The following NSMCE3 variants were observed in gnomAD, a reference collection of about 807,000 sequenced individuals.
The protein encoded by NSMCE3 is non-structural maintenance of chromosomes element 3 homolog.
For synonymous variants in NSMCE3, 214 were observed against 172.2 expected, an observed-to-expected ratio of 1.24 and a Z score of -1.90; for missense variants, 452 against 399.5, an observed-to-expected ratio of 1.13 and a Z score of -1.12.
chr15:29,265,821 A>G lies in NSMCE3; in HGVS notation c.*2970T>C, dbSNP rs1376447806. 6.6e-6 allele frequency: 1 copy of G among 152,248 alleles called. No individual in the cohort carries two copies. Among genetic ancestry groups the G allele is most frequent in the Non-Finnish European group, 1.5e-5 (1 of 68,040 alleles). 9.4% of individuals were successfully genotyped at this position (152,248 alleles called of 1,614,324 possible). On this transcript the variant is annotated 3_prime_UTR_variant, in exon 1 of 1. Coordinates refer to ENST00000332303, the MANE Select transcript of NSMCE3 (RefSeq NM_138704.4). The stretch of plus-strand genomic sequence containing the variant: ...TAGGCTATCCATATAGGAAAAATAC[A>G]AAAACTATTTCCATACCTCACATCA...
Position 29,269,214 on chromosome 15 carries a change from ATCC to A in NSMCE3, c.489_491del (p.Glu163del), listed in dbSNP as rs752327690. On this transcript the variant is annotated inframe_deletion, in exon 1 of 1. Coordinates refer to ENST00000332303, the MANE Select transcript of NSMCE3 (RefSeq NM_138704.4). ...TGCCTTGGTCACCCCTCATCTCGGCATCCTCCTCCACAGGCTCCAGGGTGTTGA... is the reference window on the plus strand; with the variant it reads ...TGCCTTGGTCACCCCTCATCTCGGCATCCTCCACAGGCTCCAGGGTGTTGA... 1.5e-5 allele frequency: 24 copies of A among 1,613,998 alleles called. No individual in the cohort carries two copies. The highest frequency in any genetic ancestry group is 1.8e-5 in the Non-Finnish European group (21 of 1,180,030).
rs1370063935 is a variant in NSMCE3, at chr15:29,269,528, AC to A, written c.177del (p.Ser60ArgfsTer28). 6.5e-7 allele frequency: 1 copy of A among 1,544,966 alleles called. No homozygotes were observed. Among genetic ancestry groups the A allele is most frequent in the Non-Finnish European group, 8.7e-7 (1 of 1,149,558 alleles). On this transcript the variant is annotated frameshift_variant, in exon 1 of 1. Coordinates refer to ENST00000332303, the MANE Select transcript of NSMCE3 (RefSeq NM_138704.4). LOFTEE classifies it low-confidence loss of function (END_TRUNC). Reference sequence around the variant, plus strand: ...GCGCCCTGAGGCGAGGGGCCCTGCGACCCCTGCGAGCCGCCCGGCCCGCGGG... The same window carrying A: ...GCGCCCTGAGGCGAGGGGCCCTGCGACCCTGCGAGCCGCCCGGCCCGCGGG... ...STSRGPGGSQ[G>X]SQGPSPQGAR...
In NSMCE3 at chr15:29,269,289, C is replaced by G. The variant is rs2153042302; in HGVS notation, c.417G>C (p.Gly139=). The change falls in exon 1 of 1, where the codon GGG becomes GGC. Residue 139 remains glycine, a synonymous_variant. Coordinates refer to ENST00000332303, the MANE Select transcript of NSMCE3 (RefSeq NM_138704.4). ...RAAERLQYVF[G]YKLVELEPKS... ...TGGGTTCAAGTTCCACCAGCTTATA[C>G]CCGAAGACGTACTGGAGGCGCTCGG... The G allele has an allele frequency of 6.2e-7, 1 of 1,614,216 alleles. No individual in the cohort carries two copies. Among genetic ancestry groups the G allele is most frequent in the Non-Finnish European group, 8.5e-7 (1 of 1,180,046 alleles).
Position 29,269,622 on chromosome 15 carries a change from C to A in NSMCE3, c.84G>T (p.Gly28=). Residue 28 remains glycine, a synonymous_variant, in exon 1 of 1, where the codon GGG becomes GGT. Coordinates refer to ENST00000332303, the MANE Select transcript of NSMCE3 (RefSeq NM_138704.4). ...GGGCGTCTTCCCCGGCCCGCGAAGCCCCGGGGTTTCCGCTATGGCTCCAGT... is the reference window on the plus strand; with the variant it reads ...GGGCGTCTTCCCCGGCCCGCGAAGCACCGGGGTTTCCGCTATGGCTCCAGT... ...DRDWSHSGNP[G]ASRAGEDARV... is the part of the protein sequence containing the mutation. The A allele has an allele frequency of 1.3e-6, 2 of 1,568,778 alleles. No homozygotes were observed. Among genetic ancestry groups the A allele is most frequent in the Non-Finnish European group, 8.6e-7 (1 of 1,161,610 alleles).
rs2043555707 is a variant in NSMCE3, at chr15:29,269,362, A to G, written c.344T>C (p.Val115Ala). 6.2e-7 allele frequency: 1 copy of G among 1,614,016 alleles called. No individual in the cohort carries two copies. Among genetic ancestry groups the G allele is most frequent in the South Asian group, 1.1e-5 (1 of 91,078 alleles). Reference sequence around the variant, plus strand: ...GAAGATGTCCTTGTAGTCCCCGATGACGTGCTTCAGTATGTCGGCCCGCTT... The same window carrying G: ...GAAGATGTCCTTGTAGTCCCCGATGGCGTGCTTCAGTATGTCGGCCCGCTT... ...PIKRADILKH[V>A]IGDYKDIFPD... The change falls in exon 1 of 1, where the codon GTC becomes GCC. Residue 115 changes from valine to alanine, a missense_variant. By Grantham distance (64) the Val-to-Ala change is moderately conservative (BLOSUM62 0). Coordinates refer to ENST00000332303, the MANE Select transcript of NSMCE3 (RefSeq NM_138704.4).
chr15:29,268,994 T>A lies in NSMCE3; in HGVS notation c.712A>T (p.Ile238Leu). Residue 238 changes from isoleucine (I) to leucine (L), a missense_variant, in exon 1 of 1, where the codon ATA becomes TTA. Ile to Leu is a conservative substitution (Grantham distance 5). Coordinates refer to ENST00000332303, the MANE Select transcript of NSMCE3 (RefSeq NM_138704.4). Reference protein sequence around the residue: ...VRQRYLEYRRIPHTDPVDYEF... With the variant: ...VRQRYLEYRRLPHTDPVDYEF... ...TAGTCGACGGGGTCGGTGTGGGGTATCCGCCGGTATTCCAGGTAACGCTGT... is the reference window on the plus strand; with the variant it reads ...TAGTCGACGGGGTCGGTGTGGGGTAACCGCCGGTATTCCAGGTAACGCTGT... 1.2e-6 allele frequency: 2 copies of A among 1,614,184 alleles called. No individual in the cohort carries two copies. The highest frequency in any genetic ancestry group is 2.2e-5 in the South Asian group (2 of 91,070).
Position 29,265,210 on chromosome 15 carries a change from G to A in NSMCE3, c.*3581C>T, listed in dbSNP as rs982522501. ...TTAAAATTATTTCCTTTAAAATCAA[G>A]AATAAGGAATCAGAAACATCCTTAG... On this transcript the variant is annotated 3_prime_UTR_variant, in exon 1 of 1. Coordinates refer to ENST00000332303, the MANE Select transcript of NSMCE3 (RefSeq NM_138704.4). 1 of 151,998 alleles carries A rather than the reference G, an allele frequency of 6.6e-6. No homozygotes were observed. The highest frequency in any genetic ancestry group is 1.5e-5 in the Non-Finnish European group (1 of 67,992). The allele number at this position is 151,998 out of a possible 1,614,324, so 9.4% of individuals were successfully genotyped here.
Position 29,268,146 on chromosome 15 carries a change from T to C in NSMCE3, c.*645A>G, listed in dbSNP as rs968574896. ...GACCCACGATTTAAAAAACACACAA[T>C]GCTTAAGTGCTTCAAAAATACAGTA... On this transcript the variant is annotated 3_prime_UTR_variant, in exon 1 of 1. Coordinates refer to ENST00000332303, the MANE Select transcript of NSMCE3 (RefSeq NM_138704.4). 2 of 152,150 alleles carry C rather than the reference T, an allele frequency of 1.3e-5. No homozygotes were observed. The highest frequency in any genetic ancestry group is 2.9e-5 in the Non-Finnish European group (2 of 68,040). 9.4% of individuals were successfully genotyped at this position (152,150 alleles called of 1,614,324 possible).
In NSMCE3 at chr15:29,268,290, CAT is replaced by C. The variant is rs1253509487; in HGVS notation, c.*499_*500del. On this transcript the variant is annotated 3_prime_UTR_variant, in exon 1 of 1. Coordinates refer to ENST00000332303, the MANE Select transcript of NSMCE3 (RefSeq NM_138704.4). The stretch of plus-strand genomic sequence containing the variant: ...CTATTGGGAGAAAATACATTACACT[CAT>C]TGCTTGGAACCATGAATAATACTTA... The C allele has an allele frequency of 6.5e-6, 1 of 152,692 alleles. No individual in the cohort carries two copies. Among genetic ancestry groups the C allele is most frequent in the African/African-American group, 2.4e-5 (1 of 41,432 alleles). 9.5% of individuals were successfully genotyped at this position (152,692 alleles called of 1,614,324 possible).
rs1567116576 is a variant in NSMCE3, at chr15:29,268,883, G to C, written c.823C>G (p.Pro275Ala). ...KFVAKVHNQD[P>A]KDWPAQYCEA... ...CAGTACTGCGCTGGCCAGTCCTTGG[G>C]GTCTTGATTATGGACCTTGGCCACA... The change falls in exon 1 of 1, where the codon CCC (proline) becomes GCC (alanine). Residue 275 changes from proline to alanine, a missense_variant. Pro to Ala is a conservative substitution (Grantham distance 27). Coordinates refer to ENST00000332303, the MANE Select transcript of NSMCE3 (RefSeq NM_138704.4). The C allele has an allele frequency of 6.2e-7, 1 of 1,614,046 alleles. No individual in the cohort carries two copies. The highest frequency in any genetic ancestry group is 8.5e-7 in the Non-Finnish European group (1 of 1,180,018).
rs1260394599 is a variant in NSMCE3 at position 29,265,928 on chromosome 15, C to T, written c.*2863G>A. 6.6e-6 allele frequency: 1 copy of T among 152,242 alleles called. No individual in the cohort carries two copies. The highest frequency in any genetic ancestry group is 1.9e-4 in the East Asian group (1 of 5,192). The allele number at this position is 152,242 out of a possible 1,614,324, so 9.4% of individuals were successfully genotyped here. ...GGAAAAAAGGCAGAAAACATATTTA[C>T]AATTTTAGGATTAGGGGAATTTTTT... On this transcript the variant is annotated 3_prime_UTR_variant, in exon 1 of 1. Coordinates refer to ENST00000332303, the MANE Select transcript of NSMCE3 (RefSeq NM_138704.4).
In NSMCE3 at chr15:29,268,146, T is replaced by G. The variant is rs968574896; in HGVS notation, c.*645A>C. ...GACCCACGATTTAAAAAACACACAA[T>G]GCTTAAGTGCTTCAAAAATACAGTA... is the stretch of plus-strand genomic sequence containing the variant. On this transcript the variant is annotated 3_prime_UTR_variant, in exon 1 of 1. Coordinates refer to ENST00000332303, the MANE Select transcript of NSMCE3 (RefSeq NM_138704.4). The G allele has an allele frequency of 6.6e-6, 1 of 152,150 alleles. No homozygotes were observed. Among genetic ancestry groups the G allele is most frequent in the Non-Finnish European group, 1.5e-5 (1 of 68,040 alleles). The allele number at this position is 152,150 out of a possible 1,614,324, so 9.4% of individuals were successfully genotyped here. A position where few individuals can be genotyped will look rare whatever the true frequency, so the allele number is the denominator to read the frequency against.
At position 29,269,549 on chromosome 15, in the gene NSMCE3, C is replaced by G; in HGVS notation, c.157G>C (p.Gly53Arg). The change falls in exon 1 of 1, where the codon GGG becomes CGG. Residue 53 changes from glycine to arginine, a missense_variant. Coordinates refer to ENST00000332303, the MANE Select transcript of NSMCE3 (RefSeq NM_138704.4). Reference sequence around the variant, plus strand: ...TGCGACCCCTGCGAGCCGCCCGGCCCGCGGGACGTGCTCGGGGCCTCCTCG... The same window carrying G: ...TGCGACCCCTGCGAGCCGCCCGGCCGGCGGGACGTGCTCGGGGCCTCCTCG... Reference protein sequence around the residue: ...FAEEAPSTSRGPGGSQGSQGP... With the variant: ...FAEEAPSTSRRPGGSQGSQGP... 2 of 1,512,842 alleles carry G rather than the reference C, an allele frequency of 1.3e-6. No homozygotes were observed. The highest frequency in any genetic ancestry group is 2.5e-5 in the South Asian group (2 of 80,114). The allele number at this position is 1,512,842 out of a possible 1,614,324, so 93.7% of individuals were successfully genotyped here.
chr15:29,269,003 A>G lies in NSMCE3; in HGVS notation c.703T>C (p.Tyr235His). The G allele has an allele frequency of 6.2e-7, 1 of 1,614,140 alleles. No homozygotes were observed. Among genetic ancestry groups the G allele is most frequent in the Non-Finnish European group, 8.5e-7 (1 of 1,180,032 alleles). Residue 235 changes from tyrosine (Y) to histidine (H), a missense_variant, in exon 1 of 1, where the codon TAC becomes CAC. By Grantham distance (83) the Tyr-to-His change is moderately conservative. Transcript: ENST00000332303. ...GGGTCGGTGTGGGGTATCCGCCGGT[A>G]TTCCAGGTAACGCTGTCGCACAAAG... ...EDFVRQRYLE[Y>H]RRIPHTDPVD...
Position 29,269,418 on chromosome 15 carries a change from C to T in NSMCE3, c.288G>A (p.Leu96=), listed in dbSNP as rs746234305. ...GAATCTTCTTCTGGTCTTTAATCAGCAAGAACTGCACCAGCTCGGACACTT... is the reference window on the plus strand; with the variant it reads ...GAATCTTCTTCTGGTCTTTAATCAGTAAGAACTGCACCAGCTCGGACACTT... ...ELKVSELVQF[L]LIKDQKKIPI... is the part of the protein sequence containing the mutation. The change falls in exon 1 of 1, where the codon TTG becomes TTA. Residue 96 remains leucine, a synonymous_variant. Coordinates refer to ENST00000332303, the MANE Select transcript of NSMCE3 (RefSeq NM_138704.4). The T allele has an allele frequency of 1.2e-6, 2 of 1,614,158 alleles. No homozygotes were observed. Among genetic ancestry groups the T allele is most frequent in the Admixed American group, 3.3e-5 (2 of 60,032 alleles).
chr15:29,269,625 G>A lies in NSMCE3; in HGVS notation c.81C>T (p.Pro27=), dbSNP rs2043567846. ...RDRDWSHSGN[P]GASRAGEDAR... is the part of the protein sequence containing the mutation. Reference sequence around the variant, plus strand: ...CGTCTTCCCCGGCCCGCGAAGCCCCGGGGTTTCCGCTATGGCTCCAGTCTC... The same window carrying A: ...CGTCTTCCCCGGCCCGCGAAGCCCCAGGGTTTCCGCTATGGCTCCAGTCTC... Residue 27 remains proline, a synonymous_variant, in exon 1 of 1, where the codon CCC becomes CCT. Coordinates refer to ENST00000332303, the MANE Select transcript of NSMCE3 (RefSeq NM_138704.4). 1.9e-6 allele frequency: 3 copies of A among 1,569,446 alleles called. No homozygotes were observed. The highest frequency in any genetic ancestry group is 1.4e-5 in the African/African-American group (1 of 70,496).
rs776533580 is a variant in NSMCE3 at position 29,268,752 on chromosome 15, C to G, written c.*39G>C. On this transcript the variant is annotated 3_prime_UTR_variant, in exon 1 of 1. Transcript: ENST00000332303. ...AATCCTCTAAACTGTGCCTTTGGGT[C>G]TCAGACCCTTGTCCCGGGGGTCCCT... The G allele has an allele frequency of 3.8e-6, 6 of 1,559,998 alleles. No individual in the cohort carries two copies. Among genetic ancestry groups the G allele is most frequent in the African/African-American group, 1.4e-5 (1 of 72,986 alleles).
chr15:29,269,263 T>A lies in NSMCE3; in HGVS notation c.443A>T (p.Lys148Met), dbSNP rs774959830. The stretch of plus-strand genomic sequence containing the variant: ...GTTGATGAGGATGTAAGTGTTGCTC[T>A]TGGGTTCAAGTTCCACCAGCTTATA... The part of the protein sequence containing the change: ...FGYKLVELEP[K>M]SNTYILINTL... Residue 148 changes from lysine to methionine, a missense_variant, in exon 1 of 1, where the codon AAG becomes ATG. Coordinates refer to ENST00000332303, the MANE Select transcript of NSMCE3 (RefSeq NM_138704.4). The A allele has an allele frequency of 6.2e-7, 1 of 1,614,174 alleles. No homozygotes were observed. The highest frequency in any genetic ancestry group is 1.7e-5 in the Admixed American group (1 of 60,020).
rs571553835 is a variant in NSMCE3 at position 29,269,165 on chromosome 15, T to C, written c.541A>G (p.Ile181Val). 1.9e-6 allele frequency: 3 copies of C among 1,614,004 alleles called. No homozygotes were observed. Among genetic ancestry groups the C allele is most frequent in the Non-Finnish European group, 2.5e-6 (3 of 1,180,026 alleles). Residue 181 changes from isoleucine (I) to valine (V), a missense_variant, in exon 1 of 1, where the codon ATC becomes GTC. By Grantham distance (29) the Ile-to-Val change is conservative (BLOSUM62 3). Coordinates refer to ENST00000332303, the MANE Select transcript of NSMCE3 (RefSeq NM_138704.4). ...TTCATAAAGATGAGCCCTAAGACGA[T>C]CATCAGGAGGCCCGTAGTGGGCGTG... The part of the protein sequence containing the change: ...QGTPTTGLLM[I>V]VLGLIFMKGN...
Sources: allele counts gnomAD v4.1 joint callset, GRCh38; gene constraint gnomAD v4.1.1; transcripts MANE v1.5; gene names NCBI Gene and HGNC (gene_info 2026-07-23, HGNC 2026-07-21).